GRIK5: variants seen among roughly 807,000 people sequenced by gnomAD.
The protein encoded by GRIK5 is glutamate receptor ionotropic, kainate 5.
Under a neutral mutation model 97.4 loss-of-function variants are expected in GRIK5, and 43 were observed. That is an observed-to-expected ratio of 0.44 (90% CI 0.35 to 0.57). The LOEUF is 0.57. Ranked by LOEUF, GRIK5 falls within the 20% of genes least tolerant of loss-of-function variation. The probability of loss-of-function intolerance (pLI) is 0.01; values close to 1 mark genes in which losing one functional copy is unlikely to be tolerated. For missense variants in GRIK5, 1,015 were observed against 1,382.0 expected, an observed-to-expected ratio of 0.73 and a Z score of 4.21; for synonymous variants, 580 against 583.5, an observed-to-expected ratio of 0.99 and a Z score of 0.09.
chr19:42,058,502 A>C (rs1356717637), intron 6 of GRIK5, among the ~76,000 whole-genome samples: 1 of 150,952 alleles, frequency 6.6e-6, no homozygotes, highest in Non-Finnish European at 1.5e-5. Context: ...TTAATTAAAA[A>C]AAAAAAAAAG....
intron 12 of GRIK5, among the ~76,000 whole-genome samples, chr19:42,039,166 G>GAGCC (rs1173682736): frequency 6.6e-6 from 1 of 152,122 alleles, no homozygotes; most frequent in African/African-American, 2.4e-5. Context: ...CAATTCACTT[G>GAGCC]AGCCAGATCA....
chr19:42,063,684 G>A (rs2076290054), intron 3 of GRIK5, among the ~76,000 whole-genome samples: 1 of 152,270 alleles, frequency 6.6e-6, no homozygotes, highest in African/African-American at 2.4e-5. Context: ...TGAAAATGAA[G>A]CCAACTCAGA....
intron 11 of GRIK5, among the ~76,000 whole-genome samples, chr19:42,046,182 C>T (rs1193172945): frequency 6.6e-6 from 1 of 152,178 alleles, no homozygotes; most frequent in African/African-American, 2.4e-5. Context: ...AGTCACTGTG[C>T]ACTCTGAACC....
intron 12 of GRIK5, among the ~76,000 whole-genome samples, chr19:42,039,969 G>C (rs1047229019): frequency 9.2e-5 from 14 of 151,426 alleles, no homozygotes; most frequent in Non-Finnish European, 1.8e-4. Context: ...AACAGAGAGA[G>C]ACCCAGTCTC....
intron 12 of GRIK5, among the ~76,000 whole-genome samples, chr19:42,036,718 A>G (rs1311031705): frequency 6.6e-6 from 1 of 152,218 alleles, no homozygotes; most frequent in Non-Finnish European, 1.5e-5. Context: ...ACTCCTTGAT[A>G]GAATCAGTCA....
rs1555871658 is a variant in GRIK5, at chr19:42,003,609, G to A, written c.2338C>T (p.Arg780Cys). 4 of 1,613,648 alleles carry A rather than the reference G, an allele frequency of 2.5e-6. No individual in the cohort carries two copies. Among genetic ancestry groups the A allele is most frequent in the South Asian group, 2.2e-5 (2 of 91,008 alleles). Residue 780 changes from arginine (R) to cysteine (C), a missense_variant, in exon 18 of 20, where the codon CGC (arginine) becomes TGC (cysteine). Arg to Cys is a radical substitution (Grantham distance 180, BLOSUM62 -3). This residue lies in a region of GRIK5 where 229 missense variants were observed against 341.0 expected (regional missense o/e 0.67). Transcript: ENST00000593562. This position sits in a 1 kb window ranked among gnomAD's most constrained non-coding sequence, Gnocchi z 4.2. ...QENNRLEILK[R>C]KWWEGGRCPK... The stretch of plus-strand genomic sequence containing the variant: ...CACCGGCCCCCCTCCCACCACTTGC[G>A]CTTCAGGATCTCCAGCCGGTTGTTC...
chr19:42,035,590 A>G (rs2075893924), intron 12 of GRIK5, among the ~76,000 whole-genome samples: 1 of 152,006 alleles, frequency 6.6e-6, no homozygotes, highest in African/African-American at 2.4e-5. Context: ...GGCGCCTGTA[A>G]TCCCAGCTAC....
At chr19:42,000,246 C>T (rs2075413406) in intron 19 of GRIK5, among the ~76,000 whole-genome samples, 1 of 152,172 alleles carries the variant, frequency 6.6e-6, no homozygotes, top group African/African-American at 2.4e-5. Flanking sequence ...CATAGGATCA[C>T]TCTGTGTTGA....
rs1159027936 is a variant in GRIK5, at chr19:42,021,184, T to C, written c.1871+117A>G. ...CCCACCCCATTCCTCGTCACACAGC[T>C]CTGCAAGGGAAAACGGGGAATCAAA... On this transcript the variant is annotated intron_variant, in intron 15 of 19. Transcript: ENST00000593562. This position sits in a 1 kb window ranked among gnomAD's most constrained non-coding sequence, Gnocchi z 4.2. 4 of 819,212 alleles carry C rather than the reference T, an allele frequency of 4.9e-6. No homozygotes were observed. Among genetic ancestry groups the C allele is most frequent in the Non-Finnish European group, 7.6e-6 (4 of 528,494 alleles). 50.7% of individuals were successfully genotyped at this position (819,212 alleles called of 1,614,324 possible). A position where few individuals can be genotyped will look rare whatever the true frequency, so the allele number is the denominator to read the frequency against.
chr19:42,045,889 C>T (rs527714861), intron 11 of GRIK5, among the ~76,000 whole-genome samples: 1 of 152,148 alleles, frequency 6.6e-6, no homozygotes, highest in Non-Finnish European at 1.5e-5. Context: ...GGTCTGATTC[C>T]AAAGCTCCGC....
At chr19:42,005,556 A>G (rs1568880785) in intron 17 of GRIK5, among the ~76,000 whole-genome samples, 167 bp downstream of exon 17, 3 of 152,196 alleles carry the variant, frequency 2.0e-5, no homozygotes, top group Admixed American at 2.0e-4. Flanking sequence ...GGTTGGGGGT[A>G]CAGAGGCTCA....
intron 12 of GRIK5, among the ~76,000 whole-genome samples, chr19:42,031,019 G>C (rs946763226): frequency 6.6e-6 from 1 of 152,196 alleles, no homozygotes; most frequent in African/African-American, 2.4e-5. Flanking sequence ...TGTGAACCTT[G>C]CCTTCTGGTA....
At chr19:42,001,949 C>A in intron 19 of GRIK5, 1 of 601,532 alleles carries the variant, frequency 1.7e-6, no homozygotes, top group Non-Finnish European at 2.9e-6. Flanking sequence ...CCTGGAGCCC[C>A]ACAACAAACA....
In GRIK5 at chr19:42,069,500, G is replaced by T; in HGVS notation, c.-310C>A. The T allele has an allele frequency of 6.7e-6, 1 of 150,306 alleles. No homozygotes were observed. Among genetic ancestry groups the T allele is most frequent in the Non-Finnish European group, 1.5e-5 (1 of 67,594 alleles). 9.3% of individuals were successfully genotyped at this position (150,306 alleles called of 1,614,324 possible). A position where few individuals can be genotyped will look rare whatever the true frequency, so the allele number is the denominator to read the frequency against. On this transcript the variant is annotated 5_prime_UTR_variant, in exon 1 of 20. Transcript: ENST00000593562. ...GGAGAAAATGGAGGAGAGAAGGGGAGAGAGGAGAGGGGGAAGGAGCAAATG... is the reference window on the plus strand; with the variant it reads ...GGAGAAAATGGAGGAGAGAAGGGGATAGAGGAGAGGGGGAAGGAGCAAATG...
rs1488565864 is a variant in GRIK5 at position 42,065,753 on chromosome 19, C to T, written c.18G>A (p.Leu6=). The T allele has an allele frequency of 6.3e-7, 1 of 1,590,038 alleles. No individual in the cohort carries two copies. The highest frequency in any genetic ancestry group is 8.5e-7 in the Non-Finnish European group (1 of 1,170,342). MPAEL[L]LLLIVAFASP... is the part of the protein sequence containing the mutation. ...TGGCGAAGGCAACAATCAGCAGCAG[C>T]AGCAGCTCAGCCGGCATCTTCCTCC... The change falls in exon 2 of 20, where the codon CTG becomes CTA. Residue 6 remains leucine (L), a synonymous_variant. Transcript: ENST00000593562. The surrounding 1 kb of genome is among the most constrained non-coding windows in gnomAD (Gnocchi z 5.8).
At position 42,006,013 on chromosome 19, in the gene GRIK5, C is replaced by T. The variant is rs2075485842; in HGVS notation, c.2038-65G>A. 1 of 816,138 alleles carries T rather than the reference C, an allele frequency of 1.2e-6. No individual in the cohort carries two copies. The highest frequency in any genetic ancestry group is 1.5e-5 in the South Asian group (1 of 67,676). The allele number at this position is 816,138 out of a possible 1,614,324, so 50.6% of individuals were successfully genotyped here. On this transcript the variant is annotated intron_variant, in intron 16 of 19. Coordinates refer to ENST00000593562, the MANE Select transcript of GRIK5 (RefSeq NM_002088.5). This position sits in a 1 kb window ranked among gnomAD's most constrained non-coding sequence, Gnocchi z 5.3. The stretch of plus-strand genomic sequence containing the variant: ...TCCAGCCGCTTCCTTTCCCCGAGCC[C>T]TTCCCATCCTCCAGGAAGTCTCCCT...
At chr19:42,059,608 G>A in intron 5 of GRIK5, 81 bp from the exon 6 acceptor site, 1 of 1,203,636 alleles carries the variant, frequency 8.3e-7, no homozygotes, top group African/African-American at 1.5e-5. Flanking sequence ...CCTCAACATG[G>A]GGCAGCTGGG....
At chr19:42,038,784 G>A (rs2075940762) in intron 12 of GRIK5, among the ~76,000 whole-genome samples, 1 of 152,238 alleles carries the variant, frequency 6.6e-6, no homozygotes, top group African/African-American at 2.4e-5. Flanking sequence ...CGCACATGGT[G>A]TGAAATCAAC....
chr19:42,018,116 A>G (rs1339989388), intron 15 of GRIK5, among the ~76,000 whole-genome samples: 2 of 129,242 alleles, frequency 1.5e-5, no homozygotes, highest in African/African-American at 6.0e-5. Context: ...GATCGAGACC[A>G]CCCTGGCTAA....
Sources: gnomAD v4.1 joint callset for allele counts (sites outside exome capture counted in the v4.1 genomes callset) on GRCh38, gnomAD v4.1.1 for gene constraint, gnomAD v4.1.1 regional missense constraint, Gnocchi (gnomAD v3.1) non-coding constraint, MANE v1.5 for transcripts, NCBI Gene and HGNC (gene_info 2026-07-23, HGNC 2026-07-21) for gene names.